The following ZNF69 variants were observed in gnomAD, a reference collection of about 807,000 sequenced individuals.
ZNF69 encodes zinc finger protein 69.
Under a neutral mutation model 50.9 loss-of-function variants are expected in ZNF69, and 47 were observed. The observed-to-expected ratio is 0.92, with a 90% confidence interval of 0.73 to 1.18. The LOEUF (loss-of-function observed/expected upper bound fraction) is 1.18, where lower values mean the gene tolerates loss of function less well. ZNF69 is among the 50% of genes most tolerant of loss of function. The pLI, the probability that ZNF69 is intolerant of heterozygous loss-of-function variation, is 0.00. For synonymous variants in ZNF69, 216 were observed against 223.1 expected, an observed-to-expected ratio of 0.97 and a Z score of 0.29; for missense variants, 717 against 675.1, an observed-to-expected ratio of 1.06 and a Z score of -0.69.
At chr19:11,956,771 G>A in the ZNF69 span, 3 of 376,746 alleles carry the variant, frequency 8.0e-6, no homozygotes, top group Non-Finnish European at 1.4e-5. Context: ...CATGAGAACT[G>A]CTTGAACTCG....
chr19:11,971,411 TTAA>T, the ZNF69 span, among the ~76,000 whole-genome samples: 9 of 152,350 alleles, frequency 5.9e-5, no homozygotes, highest in Admixed American at 4.6e-4. Context: ...GGGTAGGTTA[TTAA>T]TGTGTGATTT....
the ZNF69 span, among the ~76,000 whole-genome samples, chr19:11,973,549 T>C: frequency 2.0e-5 from 3 of 152,058 alleles, no homozygotes; most frequent in African/African-American, 7.3e-5. Flanking sequence ...TTCCATTCTA[T>C]GGGTGTTACC....
At chr19:11,977,006 C>T in the ZNF69 span, 12 of 1,612,830 alleles carry the variant, frequency 7.4e-6, no homozygotes, top group Non-Finnish European at 9.3e-6. Context: ...TCACTCTCAC[C>T]CAGCCTCCTC....
the ZNF69 span, among the ~76,000 whole-genome samples, chr19:11,936,083 A>C: frequency 2.0e-5 from 3 of 152,170 alleles, no homozygotes; most frequent in African/African-American, 7.2e-5. Flanking sequence ...TATATATGCC[A>C]CATTTTCTTA....
the ZNF69 span, among the ~76,000 whole-genome samples, chr19:11,974,856 G>A: frequency 6.6e-6 from 1 of 152,200 alleles, no homozygotes; most frequent in Admixed American, 6.5e-5. Flanking sequence ...GCCTGCCTTG[G>A]CCTTGCAAGG....
At chr19:11,937,490 C>CTT in the ZNF69 span, among the ~76,000 whole-genome samples, 40 of 128,978 alleles carry the variant, frequency 3.1e-4, 1 homozygote, top group East Asian at 6.4e-4. Context: ...TTTTTCTTTC[C>CTT]TTTTTTTTTT....
downstream of ZNF69, among the ~76,000 whole-genome samples, chr19:11,917,597 T>C (rs1972533165): frequency 6.6e-6 from 1 of 152,056 alleles, no homozygotes; most frequent in Non-Finnish European, 1.5e-5. Flanking sequence ...CTTGCTGCCA[T>C]GGAATTGCTC....
chr19:11,949,080 C>T, the ZNF69 span: 3 of 1,610,672 alleles, frequency 1.9e-6, no homozygotes, highest in Middle Eastern at 1.7e-4. Flanking sequence ...TTCAAACACA[C>T]ATAAGAATGA....
At chr19:11,930,021 A>G in the ZNF69 span, among the ~76,000 whole-genome samples, 1 of 148,012 alleles carries the variant, frequency 6.8e-6, no homozygotes, top group Non-Finnish European at 1.5e-5. Flanking sequence ...AGCTGACCCA[A>G]GACCCCCACA....
chr19:11,957,131 G>A, the ZNF69 span, among the ~76,000 whole-genome samples: 15 of 146,220 alleles, frequency 1.0e-4, no homozygotes, highest in East Asian at 1.8e-3. Flanking sequence ...TCGCTCTGTC[G>A]CCCAGGCTGG....
exon 5 of ZNF69, chr19:11,914,292 G>T (rs1334506579): frequency 6.7e-6 from 1 of 150,344 alleles, no homozygotes; most frequent in Non-Finnish European, 1.5e-5. Context: ...TCCAGCCTGG[G>T]CAACAAGAGC....
At chr19:11,958,837 C>T in the ZNF69 span, among the ~76,000 whole-genome samples, 164 of 152,318 alleles carry the variant, frequency 1.1e-3, no homozygotes, top group African/African-American at 3.7e-3. Context: ...CATGGAATTG[C>T]TCTTTCTGCA....
exon 5 of ZNF69, chr19:11,914,049 A>G (rs747665452): frequency 6.6e-6 from 1 of 151,944 alleles, no homozygotes; most frequent in Non-Finnish European, 1.5e-5. Context: ...AAGACTTGGC[A>G]TTGGCTGGGC....
chr19:11,931,997 C>G, the ZNF69 span, among the ~76,000 whole-genome samples: 2 of 147,598 alleles, frequency 1.4e-5, no homozygotes, highest in Admixed American at 1.3e-4. Context: ...GGCCTGTAAT[C>G]TCAGCTACTC....
At chr19:11,910,694 T>C (rs1176128857), downstream of ZNF69, among the ~76,000 whole-genome samples, 4 of 152,188 alleles carry the variant, frequency 2.6e-5, no homozygotes, top group African/African-American at 9.7e-5. Context: ...AAGACTTAAA[T>C]GTTAGACCTA....
the ZNF69 span, among the ~76,000 whole-genome samples, chr19:11,964,667 C>T: frequency 6.6e-6 from 1 of 152,224 alleles, no homozygotes; most frequent in East Asian, 1.9e-4. Context: ...GGTCTCGGTT[C>T]CCCTGCTGCT....
chr19:11,979,788 A>C, the ZNF69 span: 2 of 1,579,268 alleles, frequency 1.3e-6, no homozygotes, highest in Non-Finnish European at 1.7e-6. Flanking sequence ...ACTGGAGAGA[A>C]ACCCTATGAG....
the ZNF69 span, chr19:11,978,315 C>T: frequency 3.7e-6 from 6 of 1,614,062 alleles, no homozygotes; most frequent in Non-Finnish European, 5.1e-6. Flanking sequence ...TGACATTGGG[C>T]ACAAGGCATA....
chr19:11,950,570 G>T, the ZNF69 span: 1 of 532,986 alleles, frequency 1.9e-6, no homozygotes, highest in South Asian at 1.7e-5. Flanking sequence ...GATGTGCCTC[G>T]CACCTTCAAC....
Sources: gnomAD v4.1 joint callset for allele counts (sites outside exome capture counted in the v4.1 genomes callset) on GRCh38, gnomAD v4.1.1 for gene constraint, MANE v1.5 for transcripts, NCBI Gene and HGNC (gene_info 2026-07-23, HGNC 2026-07-21) for gene names.